Variants in ERCC5 observed in about 807,000 individuals in gnomAD.
ERCC5 encodes the protein ERCC excision repair 5, endonuclease, also known as DNA excision repair protein ERCC-5.
ERCC5 carries 68 observed loss-of-function variants against 105.6 expected under a neutral mutation model. The observed-to-expected ratio is 0.64, with a 90% CI of 0.53 to 0.79. The LOEUF is 0.79. ERCC5 is among the 30% of genes least tolerant of loss of function. ERCC5 has a pLI of 0.00. For synonymous variants in ERCC5, 546 were observed against 526.2 expected (o/e 1.04, Z -0.51); for missense variants, 1,373 against 1,426.7 (o/e 0.96, Z 0.61).
At chr13:102,852,689 T>G (rs1882253563) in intron 2 of ERCC5, among the ~76,000 whole-genome samples, 1 of 152,198 alleles carries the variant, frequency 6.6e-6, no homozygotes, top group South Asian at 2.1e-4. Flanking sequence ...ATAGCAAGCC[T>G]TCTTTTAAGG....
In ERCC5 at chr13:102,875,298, T is replaced by G. The variant is rs766776732; in HGVS notation, c.2965-9T>G. The G allele has an allele frequency of 1.9e-6, 3 of 1,612,114 alleles. No homozygotes were observed. The highest frequency in any genetic ancestry group is 1.1e-5 in the South Asian group (1 of 90,588). On this transcript the variant is annotated splice_polypyrimidine_tract_variant and intron_variant, in intron 14 of 14. Transcript: ENST00000652225. ...ATTTATTATTATTATTCTTTTGTTA[T>G]TTTTTTAGACACAGCTCCGAATTGA...
At chr13:102,857,696 T>C (rs1437803625) in intron 5 of ERCC5, among the ~76,000 whole-genome samples, 1 of 152,228 alleles carries the variant, frequency 6.6e-6, no homozygotes, top group African/African-American at 2.4e-5. Flanking sequence ...TGATATATAT[T>C]GCTTGAATTC....
At chr13:102,864,279 C>A (rs1489169410) in intron 8 of ERCC5, among the ~76,000 whole-genome samples, 3 of 152,044 alleles carry the variant, frequency 2.0e-5, no homozygotes, top group Non-Finnish European at 4.4e-5. Context: ...ATATGCTGTT[C>A]CTGAACAAAC....
Position 102,866,770 on chromosome 13 carries a change from CATGT to C in ERCC5, c.2459_2462del (p.His820ProfsTer12). The C allele has an allele frequency of 6.2e-7, 1 of 1,614,258 alleles. No individual in the cohort carries two copies. Among genetic ancestry groups the C allele is most frequent in the East Asian group, 2.2e-5 (1 of 44,882 alleles). ...TGATATCTGGCTGTTTGGAGCGCGG[CATGT>C]CTATAGAAACTTTTTTAATAAAAAC... On this transcript the variant is annotated frameshift_variant, in exon 11 of 15. Coordinates refer to ENST00000652225, the MANE Select transcript of ERCC5 (RefSeq NM_000123.4). LOFTEE classifies it high-confidence loss of function.
rs1882666753 is a variant in ERCC5, at chr13:102,862,440, G to A, written c.1291G>A (p.Gly431Arg). 1.2e-6 allele frequency: 2 copies of A among 1,614,104 alleles called. No individual in the cohort carries two copies. The highest frequency in any genetic ancestry group is 8.5e-7 in the Non-Finnish European group (1 of 1,180,026). Residue 431 changes from glycine to arginine, a missense_variant, in exon 8 of 15, where the codon GGA (glycine) becomes AGA (arginine). By Grantham distance (125) the Gly-to-Arg change is moderately radical (BLOSUM62 -2). Coordinates refer to ENST00000652225, the MANE Select transcript of ERCC5 (RefSeq NM_000123.4). ...CAGCTCCACCGAGAACAGTGATGAA[G>A]GACTTAAAGTGAGAGATGGAAAAGG... ...INSSTENSDE[G>R]LKVRDGKGIP...
intron 14 of ERCC5, chr13:102,874,884 A>G (rs901789227): frequency 1.1e-5 from 2 of 177,458 alleles, no homozygotes; most frequent in Admixed American, 1.1e-4. Context: ...ACAGTTGCTA[A>G]TATATACTGT....
chr13:102,875,550 C>T lies in ERCC5; in HGVS notation c.3208C>T (p.Leu1070=). The T allele has an allele frequency of 6.2e-7, 1 of 1,613,040 alleles. No individual in the cohort carries two copies. ...AAATACCTTAGAAGAGTCATCAAGC[C>T]TGAAAAGAAAGAGGCTTTCAGATTC... is the stretch of plus-strand genomic sequence containing the variant. The part of the protein sequence containing the change: ...ITNTLEESSS[L]KRKRLSDSKG... Residue 1070 remains leucine (L), a synonymous_variant, in exon 15 of 15, where the codon CTG becomes TTG. Transcript: ENST00000652225.
In ERCC5 at chr13:102,875,320, T is replaced by C. The variant is rs1369075051; in HGVS notation, c.2978T>C (p.Ile993Thr). ...TTATTTTTTTAGACACAGCTCCGAA[T>C]TGATTCCTTCTTTAGATTAGCACAA... ...QLDAQQTQLR[I>T]DSFFRLAQQE... Residue 993 changes from isoleucine (I) to threonine (T), a missense_variant, in exon 15 of 15, where the codon ATT becomes ACT. By Grantham distance (89) the Ile-to-Thr change is moderately conservative (BLOSUM62 -1). This residue lies in a region of ERCC5 where 367 missense variants were observed against 350.2 expected (regional missense o/e 1.05). Transcript: ENST00000652225. The C allele has an allele frequency of 5.0e-6, 8 of 1,613,834 alleles. No individual in the cohort carries two copies. The highest frequency in any genetic ancestry group is 2.7e-5 in the African/African-American group (2 of 74,914).
intron 4 of ERCC5, 128 bp from the exon 5 acceptor site, chr13:102,855,924 T>C (rs1287041261): frequency 1.1e-6 from 1 of 877,074 alleles, no homozygotes; most frequent in Admixed American, 1.9e-5. Context: ...ATGAGACCAG[T>C]AGTGGCACAG....
rs1158356661 is a variant in ERCC5 at position 102,853,872 on chromosome 13, G to A, written c.380G>A (p.Arg127Lys). 1 of 1,613,840 alleles carries A rather than the reference G, an allele frequency of 6.2e-7. No individual in the cohort carries two copies. Among genetic ancestry groups the A allele is most frequent in the Admixed American group, 1.7e-5 (1 of 60,020 alleles). The change falls in exon 3 of 15, where the codon AGA becomes AAA. Residue 127 changes from arginine (R) to lysine (K), a missense_variant and splice_region_variant. Physicochemically the swap from Arg to Lys is conservative, Grantham distance 26. This residue lies in a region of ERCC5 where 1,004 missense variants were observed against 1,059.7 expected (regional missense o/e 0.95). Transcript: ENST00000652225. ...QAIKTAFRSK[R>K]DEALPSLTQV... ...ATCAAAACTGCCTTCAGAAGCAAAA[G>A]GCAAGAGGAAAATTATAGTCGTGTT...
At chr13:102,849,669 A>G (rs892799387) in intron 1 of ERCC5, among the ~76,000 whole-genome samples, 1 of 152,202 alleles carries the variant, frequency 6.6e-6, no homozygotes, top group African/African-American at 2.4e-5. Flanking sequence ...TTTATTGTGT[A>G]TAAGAGTCCC....
intron 2 of ERCC5, 35 bp downstream of exon 2, chr13:102,852,328 A>C: frequency 6.2e-7 from 1 of 1,606,512 alleles, no homozygotes; most frequent in East Asian, 2.2e-5. Context: ...AGTGTCAAAT[A>C]ATTTTTTTCT....
intron 14 of ERCC5, among the ~76,000 whole-genome samples, 156 bp from the exon 15 acceptor site, chr13:102,875,151 T>C (rs933158639): frequency 3.9e-5 from 6 of 152,232 alleles, no homozygotes; most frequent in Non-Finnish European, 5.9e-5. Flanking sequence ...CTGTCAGTAA[T>C]TCACTGGGAG....
rs920873649 is a variant in ERCC5, at chr13:102,868,037, G to C, written c.2534-76G>C. The C allele has an allele frequency of 3.5e-6, 5 of 1,419,392 alleles. No individual in the cohort carries two copies. The African/African-American group carries it at 7.2e-5, about 20-fold the overall frequency. 87.9% of individuals were successfully genotyped at this position (1,419,392 alleles called of 1,614,324 possible). On this transcript the variant is annotated intron_variant, in intron 11 of 14. Coordinates refer to ENST00000652225, the MANE Select transcript of ERCC5 (RefSeq NM_000123.4). ...TAGATATAGATATACACACGTACAT[G>C]ATTTATATAATAAAATGTTTATAAA...
At chr13:102,848,015 T>C (rs1399086882) in intron 1 of ERCC5, among the ~76,000 whole-genome samples, 1 of 152,122 alleles carries the variant, frequency 6.6e-6, no homozygotes, top group Admixed American at 6.5e-5. Flanking sequence ...AAAAATTAGC[T>C]GGACGTGGTG....
At chr13:102,854,205 C>A in intron 3 of ERCC5, 83 bp from the exon 4 acceptor site, 2 of 1,428,692 alleles carry the variant, frequency 1.4e-6, no homozygotes, top group Non-Finnish European at 2.0e-6. Flanking sequence ...ACAGCAGTGG[C>A]CTGAGAGCAG....
Position 102,862,682 on chromosome 13 carries a change from T to C in ERCC5, c.1533T>C (p.Ser511=). 6.2e-7 allele frequency: 1 copy of C among 1,614,148 alleles called. No individual in the cohort carries two copies. Among genetic ancestry groups the C allele is most frequent in the Non-Finnish European group, 8.5e-7 (1 of 1,180,022 alleles). ...LPLESAVVRH[S]DAPGLPNGRE... ...TGGAGAGTGCAGTGGTTAGACATAG[T>C]GACGCACCTGGGCTCCCGAATGGAA... Residue 511 remains serine (S), a synonymous_variant, in exon 8 of 15, where the codon AGT becomes AGC. Transcript: ENST00000652225.
At position 102,875,459 on chromosome 13, in the gene ERCC5, T is replaced by TG; in HGVS notation, c.3118dup (p.Ala1040GlyfsTer7). 1 of 1,614,132 alleles carries TG rather than the reference T, an allele frequency of 6.2e-7. No individual in the cohort carries two copies. Among genetic ancestry groups the TG allele is most frequent in the Non-Finnish European group, 8.5e-7 (1 of 1,180,036 alleles). ...CCAGCGAAATAGAAGCAGTTTCTGT[T>TG]GCCATGGAGAAAGAATTTGAGCTAC... On this transcript the variant is annotated frameshift_variant, in exon 15 of 15. Transcript: ENST00000652225. LOFTEE classifies it low-confidence loss of function (END_TRUNC).
intron 12 of ERCC5, among the ~76,000 whole-genome samples, chr13:102,870,553 T>G (rs138906000): frequency 5.1e-4 from 77 of 152,268 alleles, no homozygotes; most frequent in African/African-American, 1.8e-3. Context: ...AGCTCACAAG[T>G]GCACTGATTC....
Sources: allele counts gnomAD v4.1 joint callset (sites outside exome capture counted in the v4.1 genomes callset), GRCh38; gene constraint gnomAD v4.1.1; regional missense constraint gnomAD v4.1.1; transcripts MANE v1.5; gene names NCBI Gene and HGNC (gene_info 2026-07-23, HGNC 2026-07-21).